Variants in ASIC2 observed in about 807,000 individuals in gnomAD.
ASIC2 encodes the protein acid-sensing ion channel 2.
A neutral mutation model predicts 57.3 loss-of-function variants in ASIC2; 25 were observed. The ratio of observed to expected loss-of-function variants is 0.44; its 90% CI spans 0.32 to 0.61. The LOEUF (loss-of-function observed/expected upper bound fraction) is 0.61, where lower values mean the gene tolerates loss of function less well. Among genes scored for constraint, ASIC2 ranks in the 20% least tolerant of loss-of-function variants. The pLI, the probability that ASIC2 is intolerant of heterozygous loss-of-function variation, is 0.06. For synonymous variants in ASIC2, 319 were observed against 307.5 expected (o/e 1.04, Z -0.39); for missense variants, 641 against 738.1 (o/e 0.87, Z 1.52).
At chr17:33,480,169 A>G (rs919027751) in intron 1 of ASIC2, among the ~76,000 whole-genome samples, 44 of 152,366 alleles carry the variant, frequency 2.9e-4, no homozygotes, top group African/African-American at 9.9e-4. Context: ...ATTGTGTGCC[A>G]GGCACTTTGC....
intron 1 of ASIC2, among the ~76,000 whole-genome samples, chr17:33,783,376 A>G (rs994127545): frequency 6.6e-6 from 1 of 152,198 alleles, no homozygotes; most frequent in Non-Finnish European, 1.5e-5. Flanking sequence ...CCTCTGTAAA[A>G]TGGAGATAGT....
Position 33,559,379 on chromosome 17 carries a change from T to C in ASIC2, c.556-447312A>G, listed in dbSNP as rs1365502934. 4.6e-5 allele frequency among the ~76,000 whole-genome samples: 7 copies of C among 152,310 alleles called. No individual in the cohort carries two copies. In the East Asian group the frequency reaches 9.6e-4, roughly 21 times the overall value. Reference sequence around the variant, plus strand: ...CTCAAAATCTGATTCCTGCTTCTGGTCAGTGGGAATGTCATGCTCTATATG... The same window carrying C: ...CTCAAAATCTGATTCCTGCTTCTGGCCAGTGGGAATGTCATGCTCTATATG... On this transcript the variant is annotated intron_variant, in intron 1 of 9. Coordinates refer to the ASIC2 transcript ENST00000359872.
chr17:33,129,012 A>G (rs544119430), intron 1 of ASIC2, among the ~76,000 whole-genome samples: 2 of 152,340 alleles, frequency 1.3e-5, no homozygotes, highest in East Asian at 3.9e-4. Flanking sequence ...TAGCATAGGC[A>G]CTCAGTAGAA....
chr17:33,143,833 A>C (rs951300325), intron 1 of ASIC2, among the ~76,000 whole-genome samples: 2 of 152,232 alleles, frequency 1.3e-5, no homozygotes, highest in Non-Finnish European at 2.9e-5. Flanking sequence ...CATGGAAAAG[A>C]TGTATGCATA....
At chr17:33,038,116 ACAGCCCCATCCCT>A (rs2091916530) in intron 3 of ASIC2, among the ~76,000 whole-genome samples, 1 of 152,342 alleles carries the variant, frequency 6.6e-6, no homozygotes, top group South Asian at 2.1e-4. Context: ...GGTAAGCTAC[ACAGCCCCATCCCT>A]CAGCCCCAGC....
At chr17:33,335,184 G>C (rs893517764) in intron 1 of ASIC2, among the ~76,000 whole-genome samples, 19 of 152,202 alleles carry the variant, frequency 1.2e-4, no homozygotes, top group African/African-American at 4.6e-4. Flanking sequence ...CAGGTAAAAT[G>C]ATAATTGTCA....
At chr17:33,926,991 ATC>A (rs1453384818) in intron 1 of ASIC2, among the ~76,000 whole-genome samples, 3 of 152,034 alleles carry the variant, frequency 2.0e-5, no homozygotes, top group Non-Finnish European at 2.9e-5. Flanking sequence ...CAGTGGCACA[ATC>A]TCTCTGCTCA....
At chr17:33,796,563 A>C (rs546165922) in intron 1 of ASIC2, among the ~76,000 whole-genome samples, 17 of 152,210 alleles carry the variant, frequency 1.1e-4, no homozygotes, top group Non-Finnish European at 2.4e-4. Context: ...AAAGGCTAAA[A>C]CTGTAGTGAA....
At chr17:33,604,172 A>G (rs1905172121) in intron 1 of ASIC2, among the ~76,000 whole-genome samples, 1 of 152,152 alleles carries the variant, frequency 6.6e-6, no homozygotes, top group South Asian at 2.1e-4. Flanking sequence ...CCAGACAGGA[A>G]GGGGCCCCCA....
At chr17:33,825,141 C>T (rs1424621407) in intron 1 of ASIC2, among the ~76,000 whole-genome samples, 1 of 152,194 alleles carries the variant, frequency 6.6e-6, no homozygotes, top group Admixed American at 6.5e-5. Context: ...ACCATGTCTT[C>T]TATTTTTTGT....
chr17:33,635,375 A>G (rs114426037), intron 1 of ASIC2, among the ~76,000 whole-genome samples: 261 of 152,332 alleles, frequency 1.7e-3, no homozygotes, highest in African/African-American at 5.7e-3. Context: ...AGGTTAGGCA[A>G]ATTACTCGAC....
intron 1 of ASIC2, among the ~76,000 whole-genome samples, chr17:33,972,242 C>A (rs1905245738): frequency 6.6e-6 from 1 of 152,088 alleles, no homozygotes; most frequent in Non-Finnish European, 1.5e-5. Flanking sequence ...TATGAATCCC[C>A]CAAAGGTCCC....
intron 1 of ASIC2, among the ~76,000 whole-genome samples, chr17:33,464,510 T>TTCTCTTTC (rs1354744002): frequency 2.7e-5 from 1 of 36,418 alleles, no homozygotes; most frequent in Admixed American, 2.3e-4. Flanking sequence ...CTTTCTTTCT[T>TTCTCTTTC]TCTTTCTTTC....
At chr17:33,268,075 G>C (rs904739967) in intron 1 of ASIC2, among the ~76,000 whole-genome samples, 7 of 152,282 alleles carry the variant, frequency 4.6e-5, no homozygotes, top group African/African-American at 1.7e-4. Flanking sequence ...AGTTGGTCCT[G>C]TGCATGATAA....
At chr17:34,078,088 T>C (rs1909738927) in intron 1 of ASIC2, among the ~76,000 whole-genome samples, 1 of 152,196 alleles carries the variant, frequency 6.6e-6, no homozygotes, top group South Asian at 2.1e-4. Flanking sequence ...CTCTCAGTGT[T>C]CAGCTACACT....
At chr17:33,782,895 G>T (rs778818094) in intron 1 of ASIC2, among the ~76,000 whole-genome samples, 8 of 152,156 alleles carry the variant, frequency 5.3e-5, no homozygotes, top group African/African-American at 1.4e-4. Context: ...CGTCCCACTT[G>T]TTCTAGCTAC....
chr17:33,499,662 A>C (rs947199875), intron 1 of ASIC2, among the ~76,000 whole-genome samples: 2 of 152,222 alleles, frequency 1.3e-5, no homozygotes, highest in Admixed American at 1.3e-4. Flanking sequence ...GAGAATGAAA[A>C]CACCTGATGA....
At chr17:33,201,547 A>G (rs1906859597) in intron 1 of ASIC2, among the ~76,000 whole-genome samples, 2 of 152,230 alleles carry the variant, frequency 1.3e-5, no homozygotes, top group South Asian at 4.1e-4. Context: ...ATGACCTAGA[A>G]GTTACCACCC....
At chr17:33,179,097 G>C (rs1252186005) in intron 1 of ASIC2, among the ~76,000 whole-genome samples, 4 of 152,154 alleles carry the variant, frequency 2.6e-5, no homozygotes, top group Non-Finnish European at 5.9e-5. Context: ...GCCATTAATG[G>C]GGATTGGTGG....
Sources: gnomAD v4.1 joint callset for allele counts (sites outside exome capture counted in the v4.1 genomes callset) on GRCh38, gnomAD v4.1.1 for gene constraint, MANE v1.5 for transcripts, NCBI Gene and HGNC (gene_info 2026-07-23, HGNC 2026-07-21) for gene names.